NCOA1: variants seen among roughly 807,000 people sequenced by gnomAD.
NCOA1 encodes Hin-2 protein.
Under a neutral mutation model 150.9 loss-of-function variants are expected in NCOA1, and 35 were observed. The observed-to-expected ratio is 0.23, with a 90% CI of 0.18 to 0.31. The LOEUF (loss-of-function observed/expected upper bound fraction) is 0.31. Among genes scored for constraint, NCOA1 ranks in the 10% least tolerant of loss-of-function variants. The pLI is 1.00. For missense variants in NCOA1, 1,491 were observed against 1,749.3 expected (o/e 0.85, Z 2.63); for synonymous variants, 590 against 630.0 (o/e 0.94, Z 0.95).
intron 19 of NCOA1, among the ~76,000 whole-genome samples, chr2:24,751,650 T>C: frequency 6.6e-6 from 1 of 152,170 alleles, no homozygotes; most frequent in South Asian, 2.1e-4. Flanking sequence ...TACATATTTT[T>C]ACACTTAAAA....
chr2:24,573,449 G>A (rs1448276072), intron 2 of NCOA1, among the ~76,000 whole-genome samples: 1 of 152,016 alleles, frequency 6.6e-6, no homozygotes, highest in African/African-American at 2.4e-5. Context: ...GTTAGATAAA[G>A]GTACAAAATC....
intron 3 of NCOA1, among the ~76,000 whole-genome samples, chr2:24,621,821 C>T (rs1181600893): frequency 6.6e-6 from 1 of 152,096 alleles, no homozygotes; most frequent in Non-Finnish European, 1.5e-5. Flanking sequence ...ATTTGAATCC[C>T]TGTAGGTCTA....
intron 1 of NCOA1, among the ~76,000 whole-genome samples, chr2:24,544,092 G>C (rs1665506760): frequency 6.6e-6 from 1 of 152,056 alleles, no homozygotes; most frequent in Non-Finnish European, 1.5e-5. Context: ...AGGCTTTGGT[G>C]GTTAGTTACT....
At chr2:24,584,424 T>G (rs959813307) in intron 2 of NCOA1, 52 bp from the exon 3 acceptor site, 5 of 152,198 alleles carry the variant, frequency 3.3e-5, no homozygotes, top group African/African-American at 1.2e-4. Context: ...TAATTTCATG[T>G]GATTGATCCA....
chr2:24,739,639 A>T (rs1418736419), intron 18 of NCOA1, 106 bp downstream of exon 18: 1 of 771,428 alleles, frequency 1.3e-6, no homozygotes, highest in Non-Finnish European at 2.1e-6. Flanking sequence ...TGATCTTTTA[A>T]TGATGTTTGT....
At chr2:24,563,381 C>A (rs776780748) in intron 1 of NCOA1, among the ~76,000 whole-genome samples, 2 of 152,112 alleles carry the variant, frequency 1.3e-5, no homozygotes, top group Non-Finnish European at 2.9e-5. Context: ...ATTTCTGACC[C>A]GTGGTATAAT....
intron 3 of NCOA1, among the ~76,000 whole-genome samples, chr2:24,627,123 T>G (rs1669454342): frequency 4.1e-5 from 1 of 24,480 alleles, no homozygotes; most frequent in South Asian, 1.4e-3. Context: ...TTTTTGCTGT[T>G]TTTTTTTTTT....
chr2:24,525,893 T>G (rs1408485821), intron 1 of NCOA1, among the ~76,000 whole-genome samples: 1 of 152,140 alleles, frequency 6.6e-6, no homozygotes, highest in African/African-American at 2.4e-5. Flanking sequence ...TGCTTCCTTA[T>G]GTTCTCTTCT....
intron 14 of NCOA1, among the ~76,000 whole-genome samples, chr2:24,726,252 C>T (rs1674616505): frequency 6.6e-6 from 1 of 152,028 alleles, no homozygotes; most frequent in Non-Finnish European, 1.5e-5. Context: ...ATAGCATATT[C>T]TGATATGTGA....
chr2:24,622,024 A>G (rs1241898753), intron 3 of NCOA1, among the ~76,000 whole-genome samples: 1 of 152,204 alleles, frequency 6.6e-6, no homozygotes, highest in East Asian at 1.9e-4. Flanking sequence ...AAATGCTCAG[A>G]CACTCCTGAG....
chr2:24,755,889 G>T (rs1664473512), intron 20 of NCOA1, among the ~76,000 whole-genome samples: 1 of 152,110 alleles, frequency 6.6e-6, no homozygotes, highest in Non-Finnish European at 1.5e-5. Flanking sequence ...GGTGACTTAT[G>T]TATCAATTGA....
At chr2:24,604,315 C>G (rs1349835120) in intron 3 of NCOA1, among the ~76,000 whole-genome samples, 1 of 152,168 alleles carries the variant, frequency 6.6e-6, no homozygotes, top group Non-Finnish European at 1.5e-5. Context: ...GCATTAGCCC[C>G]TAATAAGAGT....
Position 24,693,336 on chromosome 2 carries a change from AAGATAC to A in NCOA1, c.798_803del (p.Gln266_Thr268delinsHis). The A allele has an allele frequency of 6.2e-7, 1 of 1,613,574 alleles. No individual in the cohort carries two copies. Among genetic ancestry groups the A allele is most frequent in the Non-Finnish European group, 8.5e-7 (1 of 1,179,468 alleles). ...GGTGTAGAATCCTTTATGACCAAGC[AAGATAC>A]TACAGGTACTAATTGTAAAGTTCAG... On this transcript the variant is annotated inframe_deletion, in exon 10 of 23. Coordinates refer to ENST00000348332, the MANE Select transcript of NCOA1 (RefSeq NM_003743.5).
At chr2:24,591,175 C>T (rs746528611) in intron 3 of NCOA1, among the ~76,000 whole-genome samples, 2 of 152,126 alleles carry the variant, frequency 1.3e-5, no homozygotes, top group East Asian at 3.8e-4. Context: ...AATCTACTAT[C>T]CCATTTTGTG....
At chr2:24,710,685 A>G (rs1673704611) in intron 13 of NCOA1, among the ~76,000 whole-genome samples, 2 of 151,456 alleles carry the variant, frequency 1.3e-5, no homozygotes, top group Non-Finnish European at 1.5e-5. Context: ...GTAGCCAAAT[A>G]TATGTGTATT....
chr2:24,563,069 A>G (rs752555111), intron 1 of NCOA1, among the ~76,000 whole-genome samples: 5 of 152,156 alleles, frequency 3.3e-5, no homozygotes, highest in Non-Finnish European at 4.4e-5. Flanking sequence ...CAGTGGTTGA[A>G]AGAGTTGGTC....
chr2:24,701,715 A>G (rs1673171704), intron 11 of NCOA1, among the ~76,000 whole-genome samples: 1 of 152,170 alleles, frequency 6.6e-6, no homozygotes, highest in African/African-American at 2.4e-5. Context: ...TCATCTTTTA[A>G]AAAATATAGT....
intron 1 of NCOA1, among the ~76,000 whole-genome samples, chr2:24,538,778 T>C (rs561177190): frequency 3.3e-4 from 50 of 152,302 alleles, no homozygotes; most frequent in African/African-American, 1.2e-3. Context: ...AGACTTCAGA[T>C]TCTTTTAGGT....
chr2:24,683,176 C>A (rs1393976763), intron 8 of NCOA1, 48 bp downstream of exon 8: 2 of 1,190,218 alleles, frequency 1.7e-6, no homozygotes, highest in Non-Finnish European at 2.3e-6. Context: ...TCTGTATCTT[C>A]TCCTTATATA....
Sources: gnomAD v4.1 joint callset for allele counts (sites outside exome capture counted in the v4.1 genomes callset) on GRCh38, gnomAD v4.1.1 for gene constraint, MANE v1.5 for transcripts, NCBI Gene and HGNC (gene_info 2026-07-23, HGNC 2026-07-21) for gene names.